Variants in CHL1 observed in about 807,000 individuals in gnomAD.
CHL1 encodes the protein cell adhesion molecule L1 like, also known as neural cell adhesion molecule L1-like protein.
A neutral mutation model predicts 141.9 loss-of-function variants in CHL1; 96 were observed. The observed-to-expected ratio is 0.68, with a 90% CI of 0.57 to 0.80. CHL1 has a LOEUF of 0.80. CHL1 is among the 30% of genes least tolerant of loss of function. CHL1 has a pLI of 0.00. For synonymous variants in CHL1, 613 were observed against 502.2 expected, an observed-to-expected ratio of 1.22 and a Z score of -2.95; for missense variants, 1,820 against 1,457.2, an observed-to-expected ratio of 1.25 and a Z score of -4.05.
At chr3:313,177 A>G (rs749968728) in intron 2 of CHL1, among the ~76,000 whole-genome samples, 2 of 152,196 alleles carry the variant, frequency 1.3e-5, no homozygotes, top group Admixed American at 6.5e-5. Flanking sequence ...TAGAAATGAA[A>G]AAGTTTTTAA....
chr3:232,551 T>C (rs1406554968), intron 1 of CHL1, among the ~76,000 whole-genome samples: 1 of 152,212 alleles, frequency 6.6e-6, no homozygotes, highest in Non-Finnish European at 1.5e-5. Context: ...TATGCTCTGC[T>C]GATTAGCTAT....
intron 15 of CHL1, among the ~76,000 whole-genome samples, chr3:375,829 G>C (rs1020255530): frequency 6.6e-6 from 1 of 152,100 alleles, no homozygotes; most frequent in Non-Finnish European, 1.5e-5. Flanking sequence ...AATAATAATT[G>C]ATGGAACTGA....
chr3:361,446 G>T (rs908458587), intron 12 of CHL1, among the ~76,000 whole-genome samples: 1 of 149,574 alleles, frequency 6.7e-6, no homozygotes, highest in Non-Finnish European at 1.5e-5. Context: ...CCTACAAAAT[G>T]GGAGAAAATT....
At chr3:398,861 C>T (rs549987334) in intron 25 of CHL1, among the ~76,000 whole-genome samples, 156 bp from the exon 26 acceptor site, 13 of 152,274 alleles carry the variant, frequency 8.5e-5, no homozygotes, top group African/African-American at 2.4e-4. Flanking sequence ...AGTATTCTCC[C>T]ATTAACATGT....
chr3:370,547 A>AC (rs983455265), intron 15 of CHL1, among the ~76,000 whole-genome samples: 3 of 150,978 alleles, frequency 2.0e-5, no homozygotes, highest in Non-Finnish European at 3.0e-5. Flanking sequence ...CAAAAAAAAA[A>AC]AACCAGCTCC....
At chr3:345,035 T>C (rs1295397723) in intron 9 of CHL1, among the ~76,000 whole-genome samples, 1 of 152,080 alleles carries the variant, frequency 6.6e-6, no homozygotes, top group Non-Finnish European at 1.5e-5. Flanking sequence ...ATAATAAACA[T>C]AAATTCTGTC....
intron 9 of CHL1, 126 bp downstream of exon 9, chr3:344,835 G>C: frequency 1.1e-6 from 1 of 950,588 alleles, no homozygotes; most frequent in Non-Finnish European, 1.5e-6. Context: ...ATTAAATTCT[G>C]CCGGGCACTG....
chr3:383,923 C>G (rs766267357), intron 19 of CHL1, 37 bp downstream of exon 19: 7 of 1,422,566 alleles, frequency 4.9e-6, no homozygotes, highest in Non-Finnish European at 3.0e-6. Context: ...TTTCTTTGTG[C>G]TTTTCTCTTC....
intron 3 of CHL1, among the ~76,000 whole-genome samples, chr3:323,842 A>G (rs893652257): frequency 1.3e-5 from 2 of 152,120 alleles, no homozygotes; most frequent in African/African-American, 4.8e-5. Context: ...TGCAGCCTGC[A>G]TGAGTGAGCA....
chr3:219,223 C>CG (rs1287827076), intron 1 of CHL1, among the ~76,000 whole-genome samples: 1 of 151,914 alleles, frequency 6.6e-6, no homozygotes, highest in Non-Finnish European at 1.5e-5. Context: ...ACACTGTTAG[C>CG]GGGGGTGTAA....
chr3:377,533 T>A (rs540285489), intron 15 of CHL1, among the ~76,000 whole-genome samples: 1 of 152,202 alleles, frequency 6.6e-6, no homozygotes, highest in Non-Finnish European at 1.5e-5. Flanking sequence ...TCTTTAAACA[T>A]GCCAGGCAAC....
At chr3:335,730 A>C (rs1446533805) in intron 5 of CHL1, among the ~76,000 whole-genome samples, 1 of 152,218 alleles carries the variant, frequency 6.6e-6, no homozygotes, top group East Asian at 1.9e-4. Flanking sequence ...GAACAAATGA[A>C]CAGGATTTTC....
chr3:292,699 T>C (rs759806628), intron 2 of CHL1, among the ~76,000 whole-genome samples: 31 of 152,214 alleles, frequency 2.0e-4, no homozygotes, highest in Middle Eastern at 3.2e-3. Context: ...GCTCAGCTTC[T>C]GGGGAAGCCA....
At chr3:312,327 G>A (rs970987880) in intron 2 of CHL1, among the ~76,000 whole-genome samples, 6 of 152,138 alleles carry the variant, frequency 3.9e-5, no homozygotes, top group East Asian at 1.9e-4. Flanking sequence ...GTGTCACTGC[G>A]GTGTTATGAG....
At chr3:375,157 G>A (rs1316122597) in intron 15 of CHL1, among the ~76,000 whole-genome samples, 1 of 152,088 alleles carries the variant, frequency 6.6e-6, no homozygotes, top group African/African-American at 2.4e-5. Flanking sequence ...ACCTGCAGGT[G>A]GCCATAGACC....
intron 1 of CHL1, among the ~76,000 whole-genome samples, chr3:206,894 G>T (rs565111134): frequency 6.6e-6 from 1 of 152,330 alleles, no homozygotes; most frequent in South Asian, 2.1e-4. Context: ...GTAACCAATT[G>T]CATTTCGCGG....
chr3:344,699 G>T lies in CHL1; in HGVS notation c.838G>T (p.Ala280Ser), dbSNP rs1702616000. The T allele has an allele frequency of 1.2e-6, 2 of 1,613,504 alleles. No homozygotes were observed. Among genetic ancestry groups the T allele is most frequent in the Admixed American group, 1.7e-5 (1 of 59,944 alleles). ...KGEILLLECF[A>S]EGLPTPQVDW... ...GGAAATCTTGCTGCTTGAGTGTTTT[G>T]CTGAAGGCTTGTGAGTAACCTGACT... Residue 280 changes from alanine (A) to serine (S), a missense_variant, in exon 9 of 28, where the codon GCT becomes TCT. Physicochemically the swap from Ala to Ser is moderately conservative, Grantham distance 99. Transcript: ENST00000256509.
intron 16 of CHL1, among the ~76,000 whole-genome samples, chr3:379,585 C>G (rs189292663): frequency 6.6e-6 from 1 of 152,014 alleles, no homozygotes; most frequent in Non-Finnish European, 1.5e-5. Context: ...CCAAAAGGAC[C>G]GGGTCTCCTA....
chr3:286,297 G>A (rs1170271773), intron 2 of CHL1, among the ~76,000 whole-genome samples: 1 of 152,036 alleles, frequency 6.6e-6, no homozygotes, highest in Non-Finnish European at 1.5e-5. Flanking sequence ...AGTCCATAGA[G>A]TAAAGTGAAA....
Sources: allele counts gnomAD v4.1 joint callset (sites outside exome capture counted in the v4.1 genomes callset), GRCh38; gene constraint gnomAD v4.1.1; transcripts MANE v1.5; gene names NCBI Gene and HGNC (gene_info 2026-07-23, HGNC 2026-07-21).